The following DCAF11 variants were observed in gnomAD, a reference collection of about 807,000 sequenced individuals.
The protein encoded by DCAF11 is DDB1- and CUL4-associated factor 11.
DCAF11 carries 44 observed loss-of-function variants against 76.1 expected under a neutral mutation model. That is an observed-to-expected ratio of 0.58 (90% CI 0.45 to 0.74). The LOEUF (loss-of-function observed/expected upper bound fraction) is 0.74, where lower values mean the gene tolerates loss of function less well. DCAF11 is among the 30% of genes least tolerant of loss of function. DCAF11 has a pLI of 0.00. For missense variants in DCAF11, 604 were observed against 709.4 expected (o/e 0.85, Z 1.69); for synonymous variants, 258 against 255.0 (o/e 1.01, Z -0.11).
chr14:24,118,235 C>T lies in DCAF11; in HGVS notation c.577+80C>T, dbSNP rs948674949. The T allele has an allele frequency of 1.0e-4, 156 of 1,561,098 alleles. No homozygotes were observed. The African/African-American group carries it at 1.2e-3, about 12-fold the overall frequency. ...CTGACTGAGGCTAGAAAGCCACAGA[C>T]GGGGAGCTCAGACCTGGCTTAAGGA... On this transcript the variant is annotated intron_variant, in intron 6 of 14. Coordinates refer to ENST00000446197, the MANE Select transcript of DCAF11 (RefSeq NM_025230.5).
chr14:24,117,827 T>G lies in DCAF11; in HGVS notation c.476+95T>G. The G allele has an allele frequency of 7.5e-7, 1 of 1,330,070 alleles. No homozygotes were observed. The highest frequency in any genetic ancestry group is 1.3e-5 in the South Asian group (1 of 78,404). 82.4% of individuals were successfully genotyped at this position (1,330,070 alleles called of 1,614,324 possible). A position where few individuals can be genotyped will look rare whatever the true frequency, so the allele number is the denominator to read the frequency against. On this transcript the variant is annotated intron_variant, in intron 5 of 14. Coordinates refer to ENST00000446197, the MANE Select transcript of DCAF11 (RefSeq NM_025230.5). The surrounding 1 kb of genome is among the most constrained non-coding windows in gnomAD (Gnocchi z 4.3). The stretch of plus-strand genomic sequence containing the variant: ...AGGTGTTAAAGGAGCCTCAGAGATA[T>G]TAAAGGTTAGGTTAAATGGGGTTGA...
In DCAF11 at chr14:24,117,640, G is replaced by C. The variant is rs774469680; in HGVS notation, c.412-28G>C. 8.7e-6 allele frequency: 14 copies of C among 1,608,982 alleles called. No individual in the cohort carries two copies. In the East Asian group the frequency reaches 3.1e-4, roughly 36 times the overall value. ...CTGAAGTGGCCCTCTATTTCTGCTAGCAATATTCCCCAATCCCTTCCATTT... is the reference window on the plus strand; with the variant it reads ...CTGAAGTGGCCCTCTATTTCTGCTACCAATATTCCCCAATCCCTTCCATTT... On this transcript the variant is annotated intron_variant, in intron 4 of 14. Coordinates refer to ENST00000446197, the MANE Select transcript of DCAF11 (RefSeq NM_025230.5). The surrounding 1 kb of genome is among the most constrained non-coding windows in gnomAD (Gnocchi z 4.3).
At position 24,115,716 on chromosome 14, in the gene DCAF11, A is replaced by C; in HGVS notation, c.122A>C (p.Asp41Ala). The change falls in exon 2 of 15, where the codon GAT becomes GCT. Residue 41 changes from aspartate (D) to alanine (A), a missense_variant. By Grantham distance (126) the Asp-to-Ala change is moderately radical. Transcript: ENST00000446197. ...EEEEEEDEDVDLAQVLAYLLR... is the reference protein window; with the variant it reads ...EEEEEEDEDVALAQVLAYLLR... Reference sequence around the variant, plus strand: ...GAGGAAGAAGAGGATGAAGATGTGGATCTGGCCCAGGTACTGGCCTATCTC... The same window carrying C: ...GAGGAAGAAGAGGATGAAGATGTGGCTCTGGCCCAGGTACTGGCCTATCTC... 6.2e-7 allele frequency: 1 copy of C among 1,614,004 alleles called. No individual in the cohort carries two copies. The highest frequency in any genetic ancestry group is 8.5e-7 in the Non-Finnish European group (1 of 1,179,988).
Position 24,123,286 on chromosome 14 carries a change from A to G in DCAF11, c.1618A>G (p.Thr540Ala), listed in dbSNP as rs1451877995. ...SAPAPVPQSS[T>A]PFSSPQ ...CCCTGCCCCAGTGCCCCAATCCTCT[A>G]CACCCTTTTCCTCACCCCAGTAGAT... Residue 540 changes from threonine (T) to alanine (A), a missense_variant, in exon 15 of 15, where the codon ACA (threonine) becomes GCA (alanine). Coordinates refer to ENST00000446197, the MANE Select transcript of DCAF11 (RefSeq NM_025230.5). 4 of 1,543,578 alleles carry G rather than the reference A, an allele frequency of 2.6e-6. No homozygotes were observed. Among genetic ancestry groups the G allele is most frequent in the Non-Finnish European group, 3.5e-6 (4 of 1,144,602 alleles).
At position 24,123,219 on chromosome 14, in the gene DCAF11, C is replaced by T; in HGVS notation, c.1551C>T (p.Tyr517=). The stretch of plus-strand genomic sequence containing the variant: ...TGTGGCAGTACCGCCAGGCTGAGTA[C>T]TTCCAGGATGACATGCCAGAATCTG... ...LRLWQYRQAE[Y]FQDDMPESEE... is the part of the protein sequence containing the mutation. The change falls in exon 15 of 15, where the codon TAC becomes TAT. Residue 517 remains tyrosine, a synonymous_variant. Coordinates refer to ENST00000446197, the MANE Select transcript of DCAF11 (RefSeq NM_025230.5). The T allele has an allele frequency of 6.3e-7, 1 of 1,588,332 alleles. No homozygotes were observed. The highest frequency in any genetic ancestry group is 1.3e-5 in the African/African-American group (1 of 74,736).
intron 8 of DCAF11, 129 bp downstream of exon 8, chr14:24,118,933 G>A (rs2037636960): frequency 8.4e-7 from 1 of 1,193,578 alleles, no homozygotes; most frequent in East Asian, 2.3e-5. Context: ...TGCATTCCTG[G>A]GAGGGAAGCA....
At chr14:24,116,560 G>A (rs753658165) in intron 2 of DCAF11, among the ~76,000 whole-genome samples, 1 of 152,188 alleles carries the variant, frequency 6.6e-6, no homozygotes, top group African/African-American at 2.4e-5. Context: ...TCAGGCAGAG[G>A]CTCAGAAGGA....
In DCAF11 at chr14:24,114,993, C is replaced by T. The variant is rs533425069; in HGVS notation, c.-514C>T. The T allele has an allele frequency of 2.0e-6, 2 of 986,004 alleles. No individual in the cohort carries two copies. Among genetic ancestry groups the T allele is most frequent in the African/African-American group, 1.7e-5 (1 of 57,390 alleles). 61.1% of individuals were successfully genotyped at this position (986,004 alleles called of 1,614,324 possible). A position where few individuals can be genotyped will look rare whatever the true frequency, so the allele number is the denominator to read the frequency against. Reference sequence around the variant, plus strand: ...AGGTGCTTCTCGGCTTCCTCCCCCTCATGGCGTACACACCCCCGGCGCACC... The same window carrying T: ...AGGTGCTTCTCGGCTTCCTCCCCCTTATGGCGTACACACCCCCGGCGCACC... On this transcript the variant is annotated 5_prime_UTR_variant, in exon 1 of 15. Coordinates refer to ENST00000446197, the MANE Select transcript of DCAF11 (RefSeq NM_025230.5).
intron 12 of DCAF11, 25 bp from the exon 13 acceptor site, chr14:24,121,340 G>A: frequency 6.2e-7 from 1 of 1,613,746 alleles, no homozygotes; most frequent in Non-Finnish European, 8.5e-7. Flanking sequence ...TCCTAACCTA[G>A]GGTTTACTCT....
At position 24,118,768 on chromosome 14, in the gene DCAF11, A is replaced by T; in HGVS notation, c.743A>T (p.Tyr248Phe). ...CTCTTAGTTCATATCTGCAATATCT[A>T]TGGTGAGGGAGATACACACACTGCC... ...WSDYIHICNI[Y>F]GEGDTHTALD... is the part of the protein sequence containing the mutation. Residue 248 changes from tyrosine (Y) to phenylalanine (F), a missense_variant, in exon 8 of 15, where the codon TAT becomes TTT. Coordinates refer to ENST00000446197, the MANE Select transcript of DCAF11 (RefSeq NM_025230.5). 1 of 1,614,082 alleles carries T rather than the reference A, an allele frequency of 6.2e-7. No individual in the cohort carries two copies. The highest frequency in any genetic ancestry group is 1.6e-4 in the Middle Eastern group (1 of 6,062).
At chr14:24,119,062 T>C in intron 8 of DCAF11, 83 bp from the exon 9 acceptor site, 1 of 1,563,622 alleles carries the variant, frequency 6.4e-7, no homozygotes, top group Non-Finnish European at 8.8e-7. Context: ...CCTGGGGATG[T>C]GCCTTACAAC....
At position 24,115,601 on chromosome 14, in the gene DCAF11, T is replaced by C. The variant is rs750939495; in HGVS notation, c.7T>C (p.Ser3Pro). Residue 3 changes from serine to proline, a missense_variant, in exon 2 of 15, where the codon TCG becomes CCG. By Grantham distance (74) the Ser-to-Pro change is moderately conservative. Transcript: ENST00000446197. ...AGAATGCTGTGACCAGAAGATGGGA[T>C]CGCGGAACAGCAGCAGTGCAGGATC... MG[S>P]RNSSSAGSGS... 1.2e-6 allele frequency: 2 copies of C among 1,612,506 alleles called. No homozygotes were observed. Among genetic ancestry groups the C allele is most frequent in the Non-Finnish European group, 1.7e-6 (2 of 1,179,182 alleles).
At position 24,119,870 on chromosome 14, in the gene DCAF11, GATGGCATCACCTTCA is replaced by G; in HGVS notation, c.1067_1081del (p.Asp356_Ile361delinsVal). The G allele has an allele frequency of 6.2e-7, 1 of 1,613,570 alleles. No homozygotes were observed. ...TGTGGGTGCACTGGCTGGACACCAG[GATGGCATCACCTTCA>G]TTGACAGCAAGGTGGGCCAGAAGTC... On this transcript the variant is annotated inframe_deletion, in exon 11 of 15. Coordinates refer to ENST00000446197, the MANE Select transcript of DCAF11 (RefSeq NM_025230.5).
intron 12 of DCAF11, 144 bp downstream of exon 12, chr14:24,121,135 C>A: frequency 7.7e-7 from 1 of 1,304,918 alleles, no homozygotes; most frequent in Non-Finnish European, 1.0e-6. Flanking sequence ...GGATTGGGGC[C>A]TGGGTGGGGG....
chr14:24,124,071 T>C lies in DCAF11; in HGVS notation c.*762T>C, dbSNP rs1168178621. ...TCTCTCTCACTCTCTGTTTTTCCTA[T>C]CTGAGGTCTTTCATCTCCTCACTTC... On this transcript the variant is annotated 3_prime_UTR_variant, in exon 15 of 15. Coordinates refer to ENST00000446197, the MANE Select transcript of DCAF11 (RefSeq NM_025230.5). 1 of 152,224 alleles carries C rather than the reference T, an allele frequency of 6.6e-6. No individual in the cohort carries two copies. The allele number at this position is 152,224 out of a possible 1,614,324, so 9.4% of individuals were successfully genotyped here.
Position 24,123,155 on chromosome 14 carries a change from T to G in DCAF11, c.1507-20T>G, listed in dbSNP as rs748241339. 1.2e-6 allele frequency: 2 copies of G among 1,613,874 alleles called. No individual in the cohort carries two copies. The highest frequency in any genetic ancestry group is 1.7e-6 in the Non-Finnish European group (2 of 1,179,840). ...GTGGGGGCAGCACATCCTGACTGCT[T>G]GCCACCCTCTGCCCTGCAGTGGGAC... On this transcript the variant is annotated intron_variant, in intron 14 of 14. Coordinates refer to ENST00000446197, the MANE Select transcript of DCAF11 (RefSeq NM_025230.5).
chr14:24,118,792 C>A lies in DCAF11; in HGVS notation c.767C>A (p.Ala256Asp). The A allele has an allele frequency of 6.2e-7, 1 of 1,614,068 alleles. No homozygotes were observed. Among genetic ancestry groups the A allele is most frequent in the Non-Finnish European group, 8.5e-7 (1 of 1,180,012 alleles). ...NIYGEGDTHT[A>D]LDLRPDERRF... ...TATGGTGAGGGAGATACACACACTGCCCTGGATCTCAGGTACTGGCTTCCC... is the reference window on the plus strand; with the variant it reads ...TATGGTGAGGGAGATACACACACTGACCTGGATCTCAGGTACTGGCTTCCC... Residue 256 changes from alanine to aspartate, a missense_variant, in exon 8 of 15, where the codon GCC becomes GAC. Physicochemically the swap from Ala to Asp is moderately radical, Grantham distance 126. Transcript: ENST00000446197.
intron 12 of DCAF11, 23 bp from the exon 13 acceptor site, chr14:24,121,342 G>C: frequency 6.2e-7 from 1 of 1,613,976 alleles, no homozygotes; most frequent in Non-Finnish European, 8.5e-7. Flanking sequence ...CTAACCTAGG[G>C]TTTACTCTGC....
At chr14:24,121,101 G>A in intron 12 of DCAF11, 110 bp downstream of exon 12, 1 of 1,453,288 alleles carries the variant, frequency 6.9e-7, no homozygotes, top group South Asian at 1.4e-5. Flanking sequence ...GCTAAATCAT[G>A]GATGGAATGG....
Sources: gnomAD v4.1 joint callset for allele counts (sites outside exome capture counted in the v4.1 genomes callset) on GRCh38, gnomAD v4.1.1 for gene constraint, Gnocchi (gnomAD v3.1) non-coding constraint, MANE v1.5 for transcripts, NCBI Gene and HGNC (gene_info 2026-07-23, HGNC 2026-07-21) for gene names.